GBF1: variants seen among roughly 807,000 people sequenced by gnomAD.
GBF1 encodes Golgi-specific brefeldin A-resistance guanine nucleotide exchange factor 1.
Under a neutral mutation model 210.5 loss-of-function variants are expected in GBF1, and 114 were observed. The observed-to-expected ratio is 0.54, with a 90% CI of 0.47 to 0.63. GBF1 has a LOEUF of 0.63. GBF1 is among the 30% of genes least tolerant of loss of function. The pLI, the probability that GBF1 is intolerant of heterozygous loss-of-function variation, is 0.00. For synonymous variants in GBF1, 850 were observed against 889.2 expected, an observed-to-expected ratio of 0.96 and a Z score of 0.78; for missense variants, 1,851 against 2,357.7, an observed-to-expected ratio of 0.79 and a Z score of 4.45.
intron 3 of GBF1, among the ~76,000 whole-genome samples, chr10:102,280,066 G>A (rs1245885271): frequency 1.3e-5 from 2 of 151,992 alleles, no homozygotes; most frequent in Non-Finnish European, 2.9e-5. Flanking sequence ...CAAGGCTGCA[G>A]TGAGTAATAA....
intron 3 of GBF1, among the ~76,000 whole-genome samples, chr10:102,312,632 A>C (rs986711417): frequency 6.6e-6 from 1 of 152,198 alleles, no homozygotes; most frequent in East Asian, 1.9e-4. Context: ...TAGTTAAAAG[A>C]TCTTAGTTGG....
intron 3 of GBF1, among the ~76,000 whole-genome samples, chr10:102,335,208 T>A (rs1258555694): frequency 6.6e-6 from 1 of 152,104 alleles, no homozygotes; most frequent in African/African-American, 2.4e-5. Flanking sequence ...CAATGGGGGG[T>A]TAGATTTCCC....
chr10:102,375,385 A>G lies in GBF1; in HGVS notation c.3687A>G (p.Leu1229=), dbSNP rs762710815. ...AQVLLSLRIL[L]LMKPSVLSRV... is the part of the protein sequence containing the mutation. ...TGCTGCTCTCCCTGCGCATTTTGCT[A>G]CTGATGAAGCCCAGTGTGCTATCCC... is the stretch of plus-strand genomic sequence containing the variant. Residue 1229 remains leucine (L), a synonymous_variant, in exon 30 of 40, where the codon CTA becomes CTG. Transcript: ENST00000369983. 59 of 1,612,878 alleles carry G rather than the reference A, an allele frequency of 3.7e-5. No individual in the cohort carries two copies. Among genetic ancestry groups the G allele is most frequent in the Non-Finnish European group, 4.7e-5 (56 of 1,179,100 alleles).
intron 3 of GBF1, among the ~76,000 whole-genome samples, chr10:102,306,256 C>T (rs976858664): frequency 6.6e-6 from 1 of 152,106 alleles, no homozygotes; most frequent in Non-Finnish European, 1.5e-5. Context: ...TTCTGTTATT[C>T]CCCTTAATTC....
chr10:102,364,264 G>A (rs2059785320), intron 17 of GBF1, among the ~76,000 whole-genome samples: 1 of 106,098 alleles, frequency 9.4e-6, no homozygotes, highest in African/African-American at 3.6e-5. Flanking sequence ...TCTCTCTGTT[G>A]CCTAGGCTGG....
At chr10:102,237,869 G>A in the GBF1 span, among the ~76,000 whole-genome samples, 2 of 151,620 alleles carry the variant, frequency 1.3e-5, no homozygotes, top group East Asian at 1.9e-4. Context: ...CTCCACTCCC[G>A]TACTGCCCTC....
At chr10:102,296,778 C>T (rs1198230436) in intron 3 of GBF1, among the ~76,000 whole-genome samples, 1 of 151,542 alleles carries the variant, frequency 6.6e-6, no homozygotes, top group Non-Finnish European at 1.5e-5. Flanking sequence ...GGCACAGTGG[C>T]TCACACCTGT....
rs567774798 is a variant in GBF1, at chr10:102,271,954, T to C, written c.163+11838T>C. On this transcript the variant is annotated intron_variant, in intron 3 of 39. Transcript: ENST00000369983. ...TCTTTGTAGAGACAGGGTCTTGCCATGTTGCCCAGGCCTGTCTTGAACTCC... is the reference window on the plus strand; with the variant it reads ...TCTTTGTAGAGACAGGGTCTTGCCACGTTGCCCAGGCCTGTCTTGAACTCC... 1.2e-4 allele frequency among the ~76,000 whole-genome samples: 18 copies of C among 152,056 alleles called. No homozygotes were observed. In the East Asian group the frequency reaches 3.3e-3, roughly 28 times the overall value.
Position 102,363,703 on chromosome 10 carries a change from C to T in GBF1, c.2018-7C>T. ...AGATATTTCCCCCCTCTTCTTCCTA[C>T]TCCTAGCTGACAAAAAGTTTGCCCG... On this transcript the variant is annotated splice_polypyrimidine_tract_variant and splice_region_variant and intron_variant, in intron 16 of 39. Transcript: ENST00000369983. This position sits in a 1 kb window ranked among gnomAD's most constrained non-coding sequence, Gnocchi z 4.2. 1.9e-6 allele frequency: 3 copies of T among 1,593,922 alleles called. No individual in the cohort carries two copies. The highest frequency in any genetic ancestry group is 2.2e-5 in the South Asian group (2 of 90,718).
rs146995060 is a variant in GBF1 at position 102,367,257 on chromosome 10, G to T, written c.2559+47G>T. 484 of 1,593,266 alleles carry T rather than the reference G, an allele frequency of 3.0e-4. 1 individual carries two copies. The highest frequency in any genetic ancestry group is 7.9e-4 in the Admixed American group (47 of 59,282). On this transcript the variant is annotated intron_variant, in intron 20 of 39. Coordinates refer to ENST00000369983, the MANE Select transcript of GBF1 (RefSeq NM_001377137.1). ...GGCAAAGAAGACCCAGCACAGCTTG[G>T]GAGGTAGCAGGAAGGACATAGGATT...
chr10:102,361,004 C>T lies in GBF1; in HGVS notation c.1393-18C>T, dbSNP rs767913887. The T allele has an allele frequency of 1.6e-6, 2 of 1,216,936 alleles. No homozygotes were observed. Among genetic ancestry groups the T allele is most frequent in the South Asian group, 2.4e-5 (2 of 83,338 alleles). The allele number at this position is 1,216,936 out of a possible 1,614,324, so 75.4% of individuals were successfully genotyped here. A position where few individuals can be genotyped will look rare whatever the true frequency, so the allele number is the denominator to read the frequency against. Reference sequence around the variant, plus strand: ...AAAAAAAAAAAAAACTCATGGCCTACCCTGCTCTCATCTCCAGCTACTCAG... The same window carrying T: ...AAAAAAAAAAAAAACTCATGGCCTATCCTGCTCTCATCTCCAGCTACTCAG... On this transcript the variant is annotated intron_variant, in intron 12 of 39. Transcript: ENST00000369983.
chr10:102,367,417 G>A lies in GBF1; in HGVS notation c.2560-61G>A, dbSNP rs537642955. On this transcript the variant is annotated intron_variant, in intron 20 of 39. Transcript: ENST00000369983. ...AGTCCTATTTACTGAAAACCCAGGA[G>A]TTCCTTAGGTGGGGCTTCAGTGTTG... 175 of 1,209,078 alleles carry A rather than the reference G, an allele frequency of 1.4e-4. 1 individual carries two copies. The African/African-American group carries it at 2.4e-3, about 17-fold the overall frequency. 74.9% of individuals were successfully genotyped at this position (1,209,078 alleles called of 1,614,324 possible).
intron 3 of GBF1, among the ~76,000 whole-genome samples, chr10:102,287,318 TCA>T (rs769809703): frequency 4.2e-4 from 63 of 150,078 alleles, no homozygotes; most frequent in Non-Finnish European, 7.4e-4. Context: ...AAAAAAAATT[TCA>T]CACAGTTTCT....
intron 3 of GBF1, among the ~76,000 whole-genome samples, chr10:102,267,089 G>T (rs966548549): frequency 6.6e-6 from 1 of 152,176 alleles, no homozygotes; most frequent in Admixed American, 6.5e-5. Context: ...AGCCGCTTAG[G>T]TAGAAAAGAA....
chr10:102,247,376 C>T (rs983425211), intron 1 of GBF1, among the ~76,000 whole-genome samples: 3 of 152,188 alleles, frequency 2.0e-5, no homozygotes, highest in African/African-American at 7.2e-5. Context: ...TGCATTTTAA[C>T]TTGCTGATCT....
At chr10:102,274,958 C>T (rs1031980214) in intron 3 of GBF1, among the ~76,000 whole-genome samples, 8 of 151,518 alleles carry the variant, frequency 5.3e-5, no homozygotes, top group Admixed American at 2.6e-4. Flanking sequence ...GTGATCTGCC[C>T]GCCTTGGCCT....
At chr10:102,257,420 C>T (rs917351125) in intron 1 of GBF1, among the ~76,000 whole-genome samples, 1 of 152,068 alleles carries the variant, frequency 6.6e-6, no homozygotes, top group Non-Finnish European at 1.5e-5. Flanking sequence ...GTGATCCTCC[C>T]GCCTCAGCCT....
chr10:102,321,592 C>T (rs72845663), intron 3 of GBF1, among the ~76,000 whole-genome samples: 49,629 of 151,992 alleles, frequency 0.33, 8,776 homozygotes, highest in South Asian at 0.48. Flanking sequence ...TGTTTTGAGA[C>T]GGAGTCTCGC....
chr10:102,251,835 C>T (rs1294841179), intron 1 of GBF1, among the ~76,000 whole-genome samples: 1 of 152,114 alleles, frequency 6.6e-6, no homozygotes, highest in Non-Finnish European at 1.5e-5. Flanking sequence ...GGATCACAGA[C>T]ATCAGCCACT....
Sources: gnomAD v4.1 joint callset for allele counts (sites outside exome capture counted in the v4.1 genomes callset) on GRCh38, gnomAD v4.1.1 for gene constraint, Gnocchi (gnomAD v3.1) non-coding constraint, MANE v1.5 for transcripts, NCBI Gene and HGNC (gene_info 2026-07-23, HGNC 2026-07-21) for gene names.